The following UNC5D variants were observed in gnomAD, a reference collection of about 807,000 sequenced individuals.
UNC5D encodes netrin receptor UNC5D.
In UNC5D, 39 loss-of-function variants were observed where a neutral mutation model predicts 105.4. The observed-to-expected ratio is 0.37, with a 90% CI of 0.29 to 0.48. UNC5D has a LOEUF of 0.48. Among genes scored for constraint, UNC5D ranks in the 20% least tolerant of loss-of-function variants. UNC5D has a pLI of 0.98. For synonymous variants in UNC5D, 452 were observed against 450.4 expected (o/e 1.00, Z -0.04); for missense variants, 991 against 1,202.4 (o/e 0.82, Z 2.60).
chr8:35,737,409 G>A (rs1034107927), intron 11 of UNC5D, among the ~76,000 whole-genome samples: 5 of 151,648 alleles, frequency 3.3e-5, no homozygotes, highest in Admixed American at 2.0e-4. Flanking sequence ...GAGAGTTTGT[G>A]ATAATAGTTG....
intron 1 of UNC5D, among the ~76,000 whole-genome samples, chr8:35,495,636 T>C (rs1174288146): frequency 1.3e-5 from 2 of 152,116 alleles, no homozygotes; most frequent in East Asian, 1.9e-4. Flanking sequence ...AGGTTTACCA[T>C]ATTTCCATTC....
At chr8:35,784,609 A>ATGG (rs947718087) in intron 16 of UNC5D, among the ~76,000 whole-genome samples, 18 of 152,160 alleles carry the variant, frequency 1.2e-4, no homozygotes, top group African/African-American at 4.3e-4. Flanking sequence ...TTAGCTGGGC[A>ATGG]TGGTGGCACA....
chr8:35,523,652 A>T (rs535135086), intron 1 of UNC5D, among the ~76,000 whole-genome samples: 1 of 146,136 alleles, frequency 6.8e-6, no homozygotes, highest in African/African-American at 2.5e-5. Context: ...ACTAAAAAAA[A>T]AATTTCATTT....
chr8:35,240,991 C>T (rs570327948), intron 1 of UNC5D, among the ~76,000 whole-genome samples: 29 of 152,188 alleles, frequency 1.9e-4, no homozygotes, highest in African/African-American at 6.5e-4. Context: ...TGATTGAATA[C>T]GCCATCCATG....
chr8:35,771,850 G>T (rs1047385979), intron 15 of UNC5D, among the ~76,000 whole-genome samples: 1 of 152,114 alleles, frequency 6.6e-6, no homozygotes, highest in African/African-American at 2.4e-5. Context: ...CAGAATTCTA[G>T]TTTCACCTCT....
At chr8:35,380,291 T>A (rs566944372) in intron 1 of UNC5D, among the ~76,000 whole-genome samples, 1 of 151,648 alleles carries the variant, frequency 6.6e-6, no homozygotes, top group African/African-American at 2.4e-5. Flanking sequence ...AGTCCCACTA[T>A]GAGGACCCCA....
Position 35,598,737 on chromosome 8 carries a change from ATGT to A in UNC5D, c.570+3084_570+3086del, listed in dbSNP as rs1819639941. ...ATACTATTCAGCCTTTAAGAAGGAA[ATGT>A]TGTCATTTGTGACAACATGGGTGAA... On this transcript the variant is annotated intron_variant, in intron 4 of 16. Coordinates refer to ENST00000404895, the MANE Select transcript of UNC5D (RefSeq NM_080872.4). Among the ~76,000 whole-genome samples the A allele has an allele frequency of 2.6e-5, 4 of 152,194 alleles. No individual in the cohort carries two copies. In the South Asian group the frequency reaches 8.3e-4, roughly 32 times the overall value.
At chr8:35,327,839 G>A (rs1417453564) in intron 1 of UNC5D, among the ~76,000 whole-genome samples, 1 of 152,188 alleles carries the variant, frequency 6.6e-6, no homozygotes, top group Non-Finnish European at 1.5e-5. Flanking sequence ...TTTATCAGAA[G>A]CGTGAACCCA....
Position 35,308,112 on chromosome 8 carries a change from A to ATGTGTGTGTG in UNC5D, c.103+72228_103+72229insGTGTGTGTGT, listed in dbSNP as rs374542443. Among the ~76,000 whole-genome samples the ATGTGTGTGTG allele has an allele frequency of 3.5e-3, 511 of 147,760 alleles. 1 individual carries two copies. Among genetic ancestry groups the ATGTGTGTGTG allele is most frequent in the Middle Eastern group, 0.01 (3 of 286 alleles). ...TATTTTAAGCCTTTTCTATGTCACAATGTATGTGTGTGTGTGTGTGTGTGT... is the reference window on the plus strand; with the variant it reads ...TATTTTAAGCCTTTTCTATGTCACAATGTGTGTGTGTGTATGTGTGTGTGTGTGTGTGTGT... On this transcript the variant is annotated intron_variant, in intron 1 of 16. Coordinates refer to ENST00000404895, the MANE Select transcript of UNC5D (RefSeq NM_080872.4).
chr8:35,637,374 G>T (rs79011322), intron 4 of UNC5D, among the ~76,000 whole-genome samples: 2,966 of 152,166 alleles, frequency 0.019, 103 homozygotes, highest in African/African-American at 0.066. Flanking sequence ...AGGTGCATAG[G>T]TTACATTCAT....
Position 35,774,438 on chromosome 8 carries a change from A to G in UNC5D, c.2618A>G (p.Lys873Arg), listed in dbSNP as rs1192832569. ...ATFDTPNAKG[K>R]DWQMLAQKNS... Reference sequence around the variant, plus strand: ...TTTGATACCCCCAATGCCAAAGGCAAGGACTGGCAGATGTTAGCACAGAAA... The same window carrying G: ...TTTGATACCCCCAATGCCAAAGGCAGGGACTGGCAGATGTTAGCACAGAAA... Residue 873 changes from lysine to arginine, a missense_variant, in exon 16 of 17, where the codon AAG becomes AGG. By Grantham distance (26) the Lys-to-Arg change is conservative. This residue lies in a region of UNC5D where 944 missense variants were observed against 1,131.6 expected (regional missense o/e 0.83). Transcript: ENST00000404895. The G allele has an allele frequency of 2.5e-6, 4 of 1,614,130 alleles. No individual in the cohort carries two copies. The South Asian group carries it at 4.4e-5, about 18-fold the overall frequency.
At chr8:35,518,057 T>A (rs1454499716) in intron 1 of UNC5D, among the ~76,000 whole-genome samples, 1 of 152,134 alleles carries the variant, frequency 6.6e-6, no homozygotes, top group Non-Finnish European at 1.5e-5. Context: ...GCATAAACAT[T>A]GTTGCAATGG....
intron 1 of UNC5D, chr8:35,254,470 G>A (rs1803933305): frequency 6.6e-6 from 1 of 152,110 alleles, no homozygotes; most frequent in Admixed American, 6.6e-5. Context: ...GAAGTGTAAA[G>A]CAATATGAAG....
intron 3 of UNC5D, among the ~76,000 whole-genome samples, chr8:35,574,894 C>T (rs1817989484): frequency 6.6e-6 from 1 of 151,968 alleles, no homozygotes; most frequent in African/African-American, 2.4e-5. Context: ...ATCCTTGGAA[C>T]ATATTCTGTG....
rs115146376 is a variant in UNC5D at position 35,582,218 on chromosome 8, C to T, written c.467-13336C>T. 2.3e-3 allele frequency among the ~76,000 whole-genome samples: 349 copies of T among 152,240 alleles called. 3 individuals carry two copies. Among genetic ancestry groups the T allele is most frequent in the African/African-American group, 8.1e-3 (335 of 41,536 alleles). ...TGCTTCCAGTCACCAGTCATTGTGG[C>T]TCTTGCAGCCACAGTGATTTCTTTC... is the stretch of plus-strand genomic sequence containing the variant. On this transcript the variant is annotated intron_variant, in intron 3 of 16. Transcript: ENST00000404895.
At chr8:35,650,262 T>C (rs1823323540) in intron 4 of UNC5D, among the ~76,000 whole-genome samples, 1 of 152,140 alleles carries the variant, frequency 6.6e-6, no homozygotes. Flanking sequence ...CGTTGACTTG[T>C]TGTGAGCCTT....
intron 4 of UNC5D, among the ~76,000 whole-genome samples, chr8:35,603,006 C>A (rs905417505): frequency 4.6e-5 from 7 of 151,782 alleles, no homozygotes; most frequent in African/African-American, 1.7e-4. Flanking sequence ...CTGCTGGATT[C>A]ATTGATTTTT....
chr8:35,242,275 C>A (rs1044198761), intron 1 of UNC5D, among the ~76,000 whole-genome samples: 27 of 152,148 alleles, frequency 1.8e-4, no homozygotes, highest in Admixed American at 1.7e-3. Flanking sequence ...CTATGGCTTC[C>A]CAGTCAGATA....
intron 1 of UNC5D, among the ~76,000 whole-genome samples, chr8:35,507,333 G>A (rs1812393185): frequency 6.6e-6 from 1 of 152,118 alleles, no homozygotes; most frequent in Admixed American, 6.6e-5. Flanking sequence ...GGGATTACAG[G>A]CGTGAGCCAC....
Sources: gnomAD v4.1 joint callset for allele counts (sites outside exome capture counted in the v4.1 genomes callset) on GRCh38, gnomAD v4.1.1 for gene constraint, gnomAD v4.1.1 regional missense constraint, MANE v1.5 for transcripts, NCBI Gene and HGNC (gene_info 2026-07-23, HGNC 2026-07-21) for gene names.